Variants in NR3C2 observed in about 807,000 individuals in gnomAD.
NR3C2 encodes the protein mineralocorticoid receptor.
Under a neutral mutation model 86.4 loss-of-function variants are expected in NR3C2, and 15 were observed. The ratio of observed to expected loss-of-function variants is 0.17; its 90% CI spans 0.12 to 0.27. NR3C2 has a LOEUF of 0.27. NR3C2 is among the 10% of genes least tolerant of loss of function. NR3C2 has a pLI of 1.00. For missense variants in NR3C2, 960 were observed against 1,195.6 expected, an observed-to-expected ratio of 0.80 and a Z score of 2.91; for synonymous variants, 458 against 450.5, an observed-to-expected ratio of 1.02 and a Z score of -0.21.
At chr4:148,337,382 T>C (rs551169879) in intron 2 of NR3C2, among the ~76,000 whole-genome samples, 3 of 152,336 alleles carry the variant, frequency 2.0e-5, no homozygotes, top group African/African-American at 7.2e-5. Flanking sequence ...TCAAGTTGAC[T>C]GTTGGTTCAC....
At chr4:148,317,866 T>A (rs566097051) in intron 2 of NR3C2, among the ~76,000 whole-genome samples, 1 of 146,182 alleles carries the variant, frequency 6.8e-6, no homozygotes, top group Admixed American at 6.7e-5. Flanking sequence ...CTAGTTAAGC[T>A]GTTTTCTTTT....
chr4:148,378,842 T>G (rs1035765295), intron 2 of NR3C2, among the ~76,000 whole-genome samples: 2 of 152,202 alleles, frequency 1.3e-5, no homozygotes, highest in Admixed American at 1.3e-4. Context: ...AGAGAAATTT[T>G]TTATCTTTGT....
intron 4 of NR3C2, among the ~76,000 whole-genome samples, chr4:148,173,018 A>G (rs1242774782): frequency 6.6e-6 from 1 of 152,220 alleles, no homozygotes; most frequent in Admixed American, 6.5e-5. Context: ...TGATGAGTTG[A>G]TTACAGAGAT....
At chr4:148,283,220 C>T (rs1741336368) in intron 2 of NR3C2, among the ~76,000 whole-genome samples, 1 of 152,106 alleles carries the variant, frequency 6.6e-6, no homozygotes, top group Admixed American at 6.5e-5. Flanking sequence ...AGAGTGGGGT[C>T]AGGTAAGCCA....
intron 4 of NR3C2, among the ~76,000 whole-genome samples, chr4:148,164,462 T>C (rs1406269020): frequency 6.6e-6 from 1 of 152,224 alleles, no homozygotes; most frequent in Non-Finnish European, 1.5e-5. Context: ...AGTATCTGCT[T>C]TGTAAATTCT....
rs558437963 is a variant in NR3C2 at position 148,358,538 on chromosome 4, A to G, written c.1757+76566T>C. Among the ~76,000 whole-genome samples, 178 of 151,578 alleles carry G rather than the reference A, an allele frequency of 1.2e-3. 4 individuals carry two copies. The East Asian group carries it at 0.027, about 23-fold the overall frequency. Reference sequence around the variant, plus strand: ...CTAATGCTAGATGACGAGTTAGTGGATGCAGCGCACCAGCATGGCACATGT... The same window carrying G: ...CTAATGCTAGATGACGAGTTAGTGGGTGCAGCGCACCAGCATGGCACATGT... On this transcript the variant is annotated intron_variant, in intron 2 of 8. Transcript: ENST00000358102.
rs188055546 is a variant in NR3C2 at position 148,205,506 on chromosome 4, A to G, written c.1898-10644T>C. On this transcript the variant is annotated intron_variant, in intron 3 of 8. Coordinates refer to ENST00000358102, the MANE Select transcript of NR3C2 (RefSeq NM_000901.5). ...TAGGATACATGTTTTTAACCACAGT[A>G]AATATGTTCTGTTTGTTAAGTTAGG... 1.6e-4 allele frequency among the ~76,000 whole-genome samples: 24 copies of G among 152,340 alleles called. No individual in the cohort carries two copies. The South Asian group carries it at 3.1e-3, about 20-fold the overall frequency.
At chr4:148,110,323 G>A (rs191527902) in intron 8 of NR3C2, among the ~76,000 whole-genome samples, 12 of 152,190 alleles carry the variant, frequency 7.9e-5, no homozygotes, top group Non-Finnish European at 1.3e-4. Flanking sequence ...TGAGAGCGGC[G>A]TGGATGTGTC....
chr4:148,284,242 G>T (rs1307728459), intron 2 of NR3C2, among the ~76,000 whole-genome samples: 1 of 152,030 alleles, frequency 6.6e-6, no homozygotes, highest in African/African-American at 2.4e-5. Context: ...CCCCCCTCTT[G>T]CTGGGGATTC....
chr4:148,342,885 G>T (rs946768879), intron 2 of NR3C2, among the ~76,000 whole-genome samples: 1 of 152,060 alleles, frequency 6.6e-6, no homozygotes, highest in Admixed American at 6.6e-5. Flanking sequence ...CTCTTACAGG[G>T]TATGAGAAAC....
At chr4:148,400,178 G>A (rs1748071175) in intron 2 of NR3C2, among the ~76,000 whole-genome samples, 1 of 152,166 alleles carries the variant, frequency 6.6e-6, no homozygotes, top group Admixed American at 6.5e-5. Flanking sequence ...CAGGTCTACT[G>A]TTTTCACATT....
chr4:148,235,797 T>G (rs1738722906), intron 3 of NR3C2, among the ~76,000 whole-genome samples: 2 of 152,238 alleles, frequency 1.3e-5, no homozygotes, highest in South Asian at 2.1e-4. Context: ...GGACAACAGC[T>G]TAGCTGTTTT....
At chr4:148,157,110 A>G (rs1260572862) in intron 4 of NR3C2, among the ~76,000 whole-genome samples, 1 of 139,530 alleles carries the variant, frequency 7.2e-6, no homozygotes, top group Non-Finnish European at 1.5e-5. Flanking sequence ...AACAATGAGA[A>G]CACATGGACA....
intron 2 of NR3C2, among the ~76,000 whole-genome samples, chr4:148,420,278 C>T (rs531705385): frequency 5.9e-5 from 9 of 152,294 alleles, no homozygotes; most frequent in African/African-American, 1.4e-4. Flanking sequence ...TGACACCATT[C>T]GAAACCTAGG....
chr4:148,114,097 T>C lies in NR3C2; in HGVS notation c.2799+7A>G, dbSNP rs1226808422. 1 of 1,612,800 alleles carries C rather than the reference T, an allele frequency of 6.2e-7. No homozygotes were observed. Among genetic ancestry groups the C allele is most frequent in the East Asian group, 2.2e-5 (1 of 44,874 alleles). On this transcript the variant is annotated splice_region_variant and intron_variant, in intron 8 of 8. Coordinates refer to ENST00000358102, the MANE Select transcript of NR3C2 (RefSeq NM_000901.5). Reference sequence around the variant, plus strand: ...TCACTTAGGAACCAAGGAGGGGCTCTACTCACGTCATGCATGGAGTCCAGC... The same window carrying C: ...TCACTTAGGAACCAAGGAGGGGCTCCACTCACGTCATGCATGGAGTCCAGC...
intron 3 of NR3C2, among the ~76,000 whole-genome samples, chr4:148,254,437 C>T (rs1049804081): frequency 6.6e-6 from 1 of 152,210 alleles, no homozygotes. Flanking sequence ...TCTGATCTCT[C>T]AAGATTCAGC....
intron 2 of NR3C2, among the ~76,000 whole-genome samples, chr4:148,297,627 T>C (rs577324474): frequency 6.6e-6 from 1 of 152,126 alleles, no homozygotes; most frequent in Non-Finnish European, 1.5e-5. Flanking sequence ...GGTGTAGTGG[T>C]TCCTTTTACA....
intron 2 of NR3C2, among the ~76,000 whole-genome samples, chr4:148,297,881 C>T (rs1178413868): frequency 1.3e-5 from 2 of 149,066 alleles, no homozygotes; most frequent in African/African-American, 5.0e-5. Flanking sequence ...AAAAGTGAAA[C>T]TCCGTCTCAA....
intron 4 of NR3C2, among the ~76,000 whole-genome samples, chr4:148,177,089 G>C (rs1735413379): frequency 6.6e-6 from 1 of 152,122 alleles, no homozygotes. Context: ...CGGCTTTTAA[G>C]AACCTCTCTG....
Sources: allele counts gnomAD v4.1 joint callset (sites outside exome capture counted in the v4.1 genomes callset), GRCh38; gene constraint gnomAD v4.1.1; transcripts MANE v1.5; gene names NCBI Gene and HGNC (gene_info 2026-07-23, HGNC 2026-07-21).